Variants in ITGAV observed in about 807,000 individuals in gnomAD.
ITGAV encodes integrin alpha-V.
ITGAV carries 76 observed loss-of-function variants against 143.8 expected under a neutral mutation model. That is an observed-to-expected ratio of 0.53 (90% CI 0.44 to 0.64). The LOEUF (loss-of-function observed/expected upper bound fraction) is 0.64, where lower values mean the gene tolerates loss of function less well. Ranked by LOEUF, ITGAV falls within the 30% of genes least tolerant of loss-of-function variation. The pLI is 0.00. For missense variants in ITGAV, 1,193 were observed against 1,274.7 expected (o/e 0.94, Z 0.98); for synonymous variants, 453 against 446.7 (o/e 1.01, Z -0.18).
At chr2:186,666,564 G>T (rs542345889) in intron 21 of ITGAV, 140 bp from the exon 22 acceptor site, 58 of 443,724 alleles carry the variant, frequency 1.3e-4, no homozygotes, top group Non-Finnish European at 2.3e-4. Flanking sequence ...TAGAAAATAA[G>T]ATTTAGTTAT....
intron 3 of ITGAV, 23 bp from the exon 4 acceptor site, chr2:186,625,450 G>A (rs200767171): frequency 1.9e-5 from 28 of 1,506,684 alleles, no homozygotes; most frequent in African/African-American, 4.1e-5. Context: ...TCTTCGTGTC[G>A]TGGACTAAAC....
At position 186,680,213 on chromosome 2, in the gene ITGAV, TGTAGTA is replaced by T. The variant is rs1689316203; in HGVS notation, c.*2924_*2929del. On this transcript the variant is annotated 3_prime_UTR_variant, in exon 30 of 30. Transcript: ENST00000261023. ...TTTGCATTCTTGGATAGCTTGTATA[TGTAGTA>T]GTTTGATGAATAATTTAAAGAAAAA... The T allele has an allele frequency of 6.6e-6, 1 of 152,062 alleles. No individual in the cohort carries two copies. The highest frequency in any genetic ancestry group is 6.6e-5 in the Admixed American group (1 of 15,254). The allele number at this position is 152,062 out of a possible 1,614,324, so 9.4% of individuals were successfully genotyped here. A position where few individuals can be genotyped will look rare whatever the true frequency, so the allele number is the denominator to read the frequency against.
chr2:186,593,006 G>C (rs926300554), intron 1 of ITGAV, among the ~76,000 whole-genome samples: 1 of 152,062 alleles, frequency 6.6e-6, no homozygotes, highest in Admixed American at 6.5e-5. Context: ...TGGAATCCAA[G>C]GTACTTGGGA....
chr2:186,655,988 T>C (rs1324310943), intron 16 of ITGAV, among the ~76,000 whole-genome samples: 1 of 152,204 alleles, frequency 6.6e-6, no homozygotes, highest in Non-Finnish European at 1.5e-5. Context: ...TGTCTGATAA[T>C]TGGCTTACTA....
At chr2:186,600,526 T>C in intron 1 of ITGAV, 1 of 1,092,710 alleles carries the variant, frequency 9.2e-7, no homozygotes, top group Non-Finnish European at 1.3e-6. Context: ...AACTGCTCTG[T>C]CTAAAGAAGG....
At chr2:186,617,816 A>G (rs1181433287) in intron 2 of ITGAV, among the ~76,000 whole-genome samples, 1 of 152,022 alleles carries the variant, frequency 6.6e-6, no homozygotes, top group African/African-American at 2.4e-5. Context: ...TAATCTTCCA[A>G]TGGGGTTTGT....
intron 2 of ITGAV, among the ~76,000 whole-genome samples, chr2:186,621,094 A>G (rs898388151): frequency 3.3e-5 from 5 of 152,182 alleles, no homozygotes; most frequent in Non-Finnish European, 5.9e-5. Flanking sequence ...TTTGTAATGA[A>G]TAAGACATCT....
chr2:186,661,149 C>T (rs970724580), intron 18 of ITGAV, among the ~76,000 whole-genome samples: 12 of 152,056 alleles, frequency 7.9e-5, no homozygotes, highest in Non-Finnish European at 1.5e-4. Flanking sequence ...GAATATTTTG[C>T]ATTCTGTTTT....
intron 19 of ITGAV, 70 bp downstream of exon 19, chr2:186,663,905 A>C (rs1302933308): frequency 9.4e-7 from 1 of 1,060,136 alleles, no homozygotes; most frequent in Non-Finnish European, 1.5e-6. Flanking sequence ...TATTCAAAGG[A>C]CTAACATATT....
At position 186,680,567 on chromosome 2, in the gene ITGAV, G is replaced by T. The variant is rs1235501968; in HGVS notation, c.*3275G>T. On this transcript the variant is annotated 3_prime_UTR_variant, in exon 30 of 30. Transcript: ENST00000261023. ...ATATTTGTATTATTTTTGTTAGCAG[G>T]AAAGAGTGATTAAGTGAGGTTATTT... 1 of 152,476 alleles carries T rather than the reference G, an allele frequency of 6.6e-6. No homozygotes were observed. Among genetic ancestry groups the T allele is most frequent in the Non-Finnish European group, 1.5e-5 (1 of 67,962 alleles). 9.4% of individuals were successfully genotyped at this position (152,476 alleles called of 1,614,324 possible). A position where few individuals can be genotyped will look rare whatever the true frequency, so the allele number is the denominator to read the frequency against.
intron 15 of ITGAV, among the ~76,000 whole-genome samples, chr2:186,654,284 G>A (rs918503753): frequency 6.7e-6 from 1 of 150,164 alleles, no homozygotes; most frequent in Non-Finnish European, 1.5e-5. Context: ...AGTGAGCCGA[G>A]ATCGTGCCAC....
chr2:186,654,454 A>G (rs1688526289), intron 15 of ITGAV, among the ~76,000 whole-genome samples, 196 bp from the exon 16 acceptor site: 1 of 152,196 alleles, frequency 6.6e-6, no homozygotes, highest in African/African-American at 2.4e-5. Context: ...CCATGAAAGG[A>G]AATGTGCTTA....
chr2:186,665,918 A>G (rs904077542), intron 21 of ITGAV, among the ~76,000 whole-genome samples: 2 of 152,172 alleles, frequency 1.3e-5, no homozygotes, highest in Admixed American at 1.3e-4. Context: ...GATGTATGGT[A>G]TCTTAGGGAT....
intron 21 of ITGAV, among the ~76,000 whole-genome samples, chr2:186,666,299 A>G (rs1171420685): frequency 6.6e-6 from 1 of 152,174 alleles, no homozygotes; most frequent in Non-Finnish European, 1.5e-5. Context: ...TTCTTTAGCC[A>G]TGTTCCCTTA....
chr2:186,671,404 A>G (rs1689058967), intron 26 of ITGAV, among the ~76,000 whole-genome samples: 1 of 151,900 alleles, frequency 6.6e-6, no homozygotes, highest in Admixed American at 6.6e-5. Context: ...TTATTCCTCC[A>G]TGCTTTGAAA....
At chr2:186,610,236 A>T (rs1261929813) in intron 2 of ITGAV, among the ~76,000 whole-genome samples, 1 of 152,196 alleles carries the variant, frequency 6.6e-6, no homozygotes, top group African/African-American at 2.4e-5. Flanking sequence ...TAGAAGGTAC[A>T]ATCCAGGATA....
intron 5 of ITGAV, 104 bp from the exon 6 acceptor site, chr2:186,633,225 T>C: frequency 1.8e-6 from 1 of 565,410 alleles, no homozygotes. Flanking sequence ...TATTGTTCAG[T>C]CATGTATACA....
In ITGAV at chr2:186,625,534, C is replaced by A. The variant is rs753894261; in HGVS notation, c.470C>A (p.Thr157Lys). Residue 157 changes from threonine to lysine, a missense_variant, in exon 4 of 30, where the codon ACA becomes AAA. Transcript: ENST00000261023. ...EMKQEREPVG[T>K]CFLQDGTKTV... ...AAACAGGAGCGAGAGCCTGTTGGAA[C>A]ATGCTTTCTTCAAGATGGAACAAAG... 1.2e-6 allele frequency: 2 copies of A among 1,613,920 alleles called. No individual in the cohort carries two copies. The highest frequency in any genetic ancestry group is 4.5e-5 in the East Asian group (2 of 44,854).
At chr2:186,669,299 C>G (rs1217850400) in intron 25 of ITGAV, among the ~76,000 whole-genome samples, 2 of 152,162 alleles carry the variant, frequency 1.3e-5, no homozygotes, top group African/African-American at 4.8e-5. Flanking sequence ...ATTATCTTGA[C>G]TTTTGGATAT....
Sources: allele counts gnomAD v4.1 joint callset (sites outside exome capture counted in the v4.1 genomes callset), GRCh38; gene constraint gnomAD v4.1.1; transcripts MANE v1.5; gene names NCBI Gene and HGNC (gene_info 2026-07-23, HGNC 2026-07-21).